The following ARHGEF28 variants were observed in gnomAD, a reference collection of about 807,000 sequenced individuals.
ARHGEF28 encodes Rho guanine nucleotide exchange factor 28, also known as 190 kDa guanine nucleotide exchange factor.
Under a neutral mutation model 206.6 loss-of-function variants are expected in ARHGEF28, and 152 were observed. That is an observed-to-expected ratio of 0.74 (90% CI 0.64 to 0.84). The LOEUF (loss-of-function observed/expected upper bound fraction) is 0.84, where lower values mean the gene tolerates loss of function less well. ARHGEF28 is among the 40% of genes least tolerant of loss of function. The probability of loss-of-function intolerance (pLI) is 0.00; values close to 1 mark genes in which losing one functional copy is unlikely to be tolerated. For synonymous variants in ARHGEF28, 763 were observed against 776.4 expected (o/e 0.98, Z 0.29); for missense variants, 2,028 against 2,073.2 (o/e 0.98, Z 0.42).
intron 1 of ARHGEF28, among the ~76,000 whole-genome samples, chr5:73,669,632 G>A (rs1746184025): frequency 1.3e-5 from 2 of 152,072 alleles, no homozygotes; most frequent in African/African-American, 4.8e-5. Flanking sequence ...ATATAACAAC[G>A]AATATAGACA....
intron 1 of ARHGEF28, among the ~76,000 whole-genome samples, chr5:73,649,926 C>T (rs977300651): frequency 2.0e-5 from 3 of 152,158 alleles, no homozygotes; most frequent in Admixed American, 2.0e-4. Flanking sequence ...CCTCAGAGTC[C>T]CTCTTCCCAC....
intron 22 of ARHGEF28, among the ~76,000 whole-genome samples, chr5:73,874,213 T>A (rs375546171): frequency 2.0e-4 from 30 of 152,258 alleles, no homozygotes; most frequent in African/African-American, 7.0e-4. Flanking sequence ...GATTTTCTAA[T>A]TGGATTGTTT....
chr5:73,741,433 ATATATATATG>A, intron 2 of ARHGEF28, among the ~76,000 whole-genome samples: 4 of 80,186 alleles, frequency 5.0e-5, no homozygotes, highest in Non-Finnish European at 7.5e-5. Context: ...ATATATATAT[ATATATATATG>A]TATACTCACT....
chr5:73,752,861 G>A, intron 3 of ARHGEF28, 48 bp from the exon 4 acceptor site: 2 of 1,603,550 alleles, frequency 1.2e-6, no homozygotes. Context: ...CCCTGTGAGA[G>A]CATCTCCTAC....
At chr5:73,745,557 A>G (rs1176022181) in intron 2 of ARHGEF28, among the ~76,000 whole-genome samples, 2 of 152,036 alleles carry the variant, frequency 1.3e-5, no homozygotes, top group Non-Finnish European at 2.9e-5. Context: ...GATGGTAAAA[A>G]ATGTTAGTTT....
intron 1 of ARHGEF28, among the ~76,000 whole-genome samples, chr5:73,654,649 T>G (rs1580445788): frequency 6.6e-6 from 1 of 152,170 alleles, no homozygotes; most frequent in East Asian, 1.9e-4. Flanking sequence ...GTCATCAGAC[T>G]TTTCTTGCCT....
intron 1 of ARHGEF28, among the ~76,000 whole-genome samples, chr5:73,673,263 A>G (rs1746460354): frequency 1.3e-5 from 2 of 152,238 alleles, no homozygotes; most frequent in Non-Finnish European, 2.9e-5. Flanking sequence ...ACAGTTGTGA[A>G]ATGCAATTAT....
intron 26 of ARHGEF28, among the ~76,000 whole-genome samples, chr5:73,891,135 G>T (rs1761600751): frequency 6.6e-6 from 1 of 152,158 alleles, no homozygotes; most frequent in African/African-American, 2.4e-5. Flanking sequence ...AGATGAATGA[G>T]ACCCATTCCC....
At chr5:73,651,440 T>C (rs1744821880) in intron 1 of ARHGEF28, among the ~76,000 whole-genome samples, 1 of 152,246 alleles carries the variant, frequency 6.6e-6, no homozygotes, top group Non-Finnish European at 1.5e-5. Context: ...CCAAACATGT[T>C]GTTTTACTTA....
In ARHGEF28 at chr5:73,811,442, G is replaced by C. The variant is rs373386361; in HGVS notation, c.1024+16051G>C. Among the ~76,000 whole-genome samples, 17 of 152,310 alleles carry C rather than the reference G, an allele frequency of 1.1e-4. No individual in the cohort carries two copies. The South Asian group carries it at 3.3e-3, about 30-fold the overall frequency. ...AAAGGTTCTTCATCCACAGGGTAAA[G>C]GTCATTGACATGGCAGACCGACTAT... On this transcript the variant is annotated intron_variant, in intron 9 of 35. Coordinates refer to ENST00000513042, the MANE Select transcript of ARHGEF28 (RefSeq NM_001177693.2).
chr5:73,658,015 G>T (rs1745328584), intron 1 of ARHGEF28, among the ~76,000 whole-genome samples: 1 of 151,986 alleles, frequency 6.6e-6, no homozygotes, highest in Admixed American at 6.6e-5. Flanking sequence ...GTGCTCCCTT[G>T]CTTTCTTGGG....
rs150086651 is a variant in ARHGEF28 at position 73,867,488 on chromosome 5, A to G, written c.2153-388A>G. Reference sequence around the variant, plus strand: ...GTTCTCTGTGTGTGGATGCTTGTTTATACACACAATATGCATTCAGTAACA... The same window carrying G: ...GTTCTCTGTGTGTGGATGCTTGTTTGTACACACAATATGCATTCAGTAACA... On this transcript the variant is annotated intron_variant, in intron 18 of 35. Coordinates refer to ENST00000513042, the MANE Select transcript of ARHGEF28 (RefSeq NM_001177693.2). 2.2e-4 allele frequency among the ~76,000 whole-genome samples: 33 copies of G among 152,280 alleles called. No homozygotes were observed. The East Asian group carries it at 5.0e-3, about 23-fold the overall frequency.
At chr5:73,830,222 A>AT (rs1424579683) in intron 9 of ARHGEF28, among the ~76,000 whole-genome samples, 2 of 152,096 alleles carry the variant, frequency 1.3e-5, no homozygotes, top group African/African-American at 4.8e-5. Context: ...GAAAATTCTG[A>AT]TTTTCAGAGC....
At chr5:73,748,785 G>A (rs895121005) in intron 2 of ARHGEF28, among the ~76,000 whole-genome samples, 5 of 152,164 alleles carry the variant, frequency 3.3e-5, no homozygotes, top group Non-Finnish European at 7.3e-5. Flanking sequence ...ACTCCCACAG[G>A]CTGGGCAGAA....
At position 73,891,243 on chromosome 5, in the gene ARHGEF28, C is replaced by T. The variant is rs72772583; in HGVS notation, c.3388-809C>T. ...TGACAGTAGCAAAAAGGATTGGTTA[C>T]GCCTGGGGAATCAAAGGTCTTGCCA... On this transcript the variant is annotated intron_variant, in intron 26 of 35. Coordinates refer to ENST00000513042, the MANE Select transcript of ARHGEF28 (RefSeq NM_001177693.2). Among the ~76,000 whole-genome samples, 117 of 152,238 alleles carry T rather than the reference C, an allele frequency of 7.7e-4. 1 individual carries two copies. Among genetic ancestry groups the T allele is most frequent in the Non-Finnish European group, 1.5e-3 (101 of 68,004 alleles).
At chr5:73,686,331 A>G (rs1747466466) in intron 2 of ARHGEF28, among the ~76,000 whole-genome samples, 1 of 152,070 alleles carries the variant, frequency 6.6e-6, no homozygotes. Context: ...CAAAACAGAC[A>G]AATCCACAAG....
intron 2 of ARHGEF28, among the ~76,000 whole-genome samples, chr5:73,736,020 G>C (rs919443253): frequency 6.6e-6 from 1 of 152,138 alleles, no homozygotes; most frequent in African/African-American, 2.4e-5. Flanking sequence ...TGAGCTCCGT[G>C]AAGAAAGAAA....
Position 73,762,471 on chromosome 5 carries a change from A to AG in ARHGEF28, c.475+9269_475+9270insG, listed in dbSNP as rs1561386209. 9.3e-5 allele frequency among the ~76,000 whole-genome samples: 14 copies of AG among 151,290 alleles called. No individual in the cohort carries two copies. In the South Asian group the frequency reaches 2.9e-3, roughly 31 times the overall value. ...ACTCCCTCTCAAAAAAAAAAAAAAA[A>AG]AAAACAAAACAACAACAACAAAATC... On this transcript the variant is annotated intron_variant, in intron 4 of 35. Transcript: ENST00000513042.
chr5:73,645,265 C>T (rs889628561), intron 1 of ARHGEF28, among the ~76,000 whole-genome samples: 26 of 152,264 alleles, frequency 1.7e-4, no homozygotes, highest in African/African-American at 6.0e-4. Context: ...ATCCTTCCAC[C>T]TCTGTCTTTC....
Sources: gnomAD v4.1 joint callset for allele counts (sites outside exome capture counted in the v4.1 genomes callset) on GRCh38, gnomAD v4.1.1 for gene constraint, MANE v1.5 for transcripts, NCBI Gene and HGNC (gene_info 2026-07-23, HGNC 2026-07-21) for gene names.